Variants in CELF2 observed in about 807,000 individuals in gnomAD.
The protein encoded by CELF2 is CUGBP Elav-like family member 2.
Under a neutral mutation model 62.6 loss-of-function variants are expected in CELF2, and 8 were observed. The observed-to-expected ratio is 0.13, with a 90% CI of 0.07 to 0.23. The LOEUF (loss-of-function observed/expected upper bound fraction) is 0.23. Among genes scored for constraint, CELF2 ranks in the 10% least tolerant of loss-of-function variants. The pLI is 1.00. For missense variants in CELF2, 333 were observed against 671.0 expected (o/e 0.50, Z 5.56); for synonymous variants, 258 against 250.0 (o/e 1.03, Z -0.30).
rs1336481832 is a variant in CELF2, at chr10:11,165,672, G to A, written c.261G>A (p.Pro87=). 1 of 1,612,954 alleles carries A rather than the reference G, an allele frequency of 6.2e-7. No individual in the cohort carries two copies. The highest frequency in any genetic ancestry group is 8.5e-7 in the Non-Finnish European group (1 of 1,179,414). ...NVLRDRSQNP[P]QSKGCCFVTF... The stretch of plus-strand genomic sequence containing the variant: ...TCCGGGACCGGAGTCAGAACCCTCC[G>A]CAGAGTAAAGGTACAGAGCGCGGGG... The change falls in exon 2 of 13, where the codon CCG becomes CCA. Residue 87 remains proline, a synonymous_variant. Transcript: ENST00000633077. The surrounding 1 kb of genome is among the most constrained non-coding windows in gnomAD (Gnocchi z 7.4).
chr10:11,048,878 T>C (rs1458885281), intron 1 of CELF2, among the ~76,000 whole-genome samples: 4 of 152,240 alleles, frequency 2.6e-5, no homozygotes, highest in Non-Finnish European at 4.4e-5. Context: ...GCAGAATACC[T>C]AATTTAAATG....
At chr10:10,691,571 G>C in the CELF2 span, among the ~76,000 whole-genome samples, 1 of 152,022 alleles carries the variant, frequency 6.6e-6, no homozygotes, top group African/African-American at 2.4e-5. Flanking sequence ...AGATCCCTGA[G>C]GAATCACCAC....
chr10:10,905,960 A>C (rs1300117717), intron 1 of CELF2, among the ~76,000 whole-genome samples: 1 of 152,188 alleles, frequency 6.6e-6, no homozygotes, highest in Non-Finnish European at 1.5e-5. Context: ...AGTCCCAGCT[A>C]TCAGGGCACC....
intron 1 of CELF2, among the ~76,000 whole-genome samples, chr10:11,109,433 A>T (rs2054526290): frequency 6.6e-6 from 1 of 152,194 alleles, no homozygotes; most frequent in African/African-American, 2.4e-5. Context: ...TGGTGAATGG[A>T]CTTGAGTTTC....
rs555795394 is a variant in CELF2 at position 11,131,149 on chromosome 10, G to A, written c.75-34337G>A. ...ATATTTGATTTCTTCAAAACACTTG[G>A]CAGGACAGTAATTGAATTGGGCGTG... On this transcript the variant is annotated intron_variant, in intron 1 of 12. Coordinates refer to ENST00000633077, the MANE Select transcript of CELF2 (RefSeq NM_001326342.2). Among the ~76,000 whole-genome samples the A allele has an allele frequency of 2.0e-5, 3 of 152,300 alleles. No homozygotes were observed. The East Asian group carries it at 5.8e-4, about 29-fold the overall frequency.
At chr10:10,709,119 A>G in the CELF2 span, among the ~76,000 whole-genome samples, 108,410 of 152,058 alleles carry the variant, frequency 0.71, 38,886 homozygotes, top group South Asian at 0.83. Flanking sequence ...TCCAGTCAAC[A>G]CTTCATGGGT....
At chr10:10,830,759 A>C (rs2057782563) in intron 1 of CELF2, among the ~76,000 whole-genome samples, 1 of 152,152 alleles carries the variant, frequency 6.6e-6, no homozygotes, top group Admixed American at 6.5e-5. Context: ...TATAATTCCC[A>C]TAATTTGGCT....
At chr10:11,095,395 C>T (rs543356869) in intron 1 of CELF2, among the ~76,000 whole-genome samples, 5 of 152,102 alleles carry the variant, frequency 3.3e-5, no homozygotes, top group Admixed American at 1.3e-4. Flanking sequence ...GACTGAGGAC[C>T]GTGGCAGAGT....
At chr10:10,532,886 C>CAAAAAAA in the CELF2 span, among the ~76,000 whole-genome samples, 1 of 137,564 alleles carries the variant, frequency 7.3e-6, no homozygotes, top group Non-Finnish European at 1.5e-5. Context: ...GACAAAATCT[C>CAAAAAAA]AAAAAAAAAA....
the CELF2 span, among the ~76,000 whole-genome samples, chr10:10,465,706 G>T: frequency 4.6e-5 from 7 of 152,078 alleles, no homozygotes; most frequent in African/African-American, 7.2e-5. Context: ...AAGAGGAAAT[G>T]ACCCCATCCA....
chr10:10,595,341 G>C, the CELF2 span, among the ~76,000 whole-genome samples: 3 of 151,640 alleles, frequency 2.0e-5, no homozygotes, highest in Non-Finnish European at 4.4e-5. Flanking sequence ...CACCCTGTAA[G>C]GCTGTGCTGG....
chr10:10,735,560 T>C, the CELF2 span, among the ~76,000 whole-genome samples: 1 of 152,192 alleles, frequency 6.6e-6, no homozygotes, highest in Non-Finnish European at 1.5e-5. Flanking sequence ...AGGAATAAAT[T>C]TGGGGGAAAA....
At chr10:10,579,781 A>G in the CELF2 span, among the ~76,000 whole-genome samples, 2 of 152,136 alleles carry the variant, frequency 1.3e-5, no homozygotes, top group Admixed American at 6.6e-5. Flanking sequence ...GAATACATAA[A>G]AGTTCCAAAT....
the CELF2 span, among the ~76,000 whole-genome samples, chr10:10,519,129 T>C: frequency 6.6e-6 from 1 of 152,206 alleles, no homozygotes; most frequent in African/African-American, 2.4e-5. Flanking sequence ...GAACAGAATT[T>C]AGCAAAATGG....
chr10:10,600,362 G>A, the CELF2 span, among the ~76,000 whole-genome samples: 1 of 152,210 alleles, frequency 6.6e-6, no homozygotes, highest in Non-Finnish European at 1.5e-5. Context: ...AAGACCACAG[G>A]ACTGCTTGTA....
At chr10:11,212,193 A>G (rs2062023958) in intron 2 of CELF2, among the ~76,000 whole-genome samples, 1 of 152,162 alleles carries the variant, frequency 6.6e-6, no homozygotes, top group South Asian at 2.1e-4. Flanking sequence ...AAAAGCATCC[A>G]CATCCCTGCA....
intron 2 of CELF2, among the ~76,000 whole-genome samples, chr10:11,168,576 G>A (rs939597482): frequency 6.6e-6 from 1 of 152,150 alleles, no homozygotes; most frequent in Non-Finnish European, 1.5e-5. Context: ...TTTTCACAGG[G>A]CTGATATCAG....
intron 11 of CELF2, among the ~76,000 whole-genome samples, chr10:11,323,727 A>G (rs1198407713): frequency 1.3e-5 from 2 of 152,216 alleles, no homozygotes; most frequent in Non-Finnish European, 2.9e-5. Context: ...AGTGTAACAG[A>G]GAATCTAACA....
chr10:11,326,497 G>A (rs1221373963), intron 12 of CELF2, among the ~76,000 whole-genome samples: 2 of 152,216 alleles, frequency 1.3e-5, no homozygotes, highest in African/African-American at 4.8e-5. Flanking sequence ...ATCGGGGAGT[G>A]GGAATGAATG....
Sources: gnomAD v4.1 joint callset for allele counts (sites outside exome capture counted in the v4.1 genomes callset) on GRCh38, gnomAD v4.1.1 for gene constraint, Gnocchi (gnomAD v3.1) non-coding constraint, MANE v1.5 for transcripts, NCBI Gene and HGNC (gene_info 2026-07-23, HGNC 2026-07-21) for gene names.